Variants in TRIM2 observed in about 807,000 individuals in gnomAD.
The protein encoded by TRIM2 is tripartite motif containing 2, also known as tripartite motif-containing protein 2.
A neutral mutation model predicts 75.2 loss-of-function variants in TRIM2; 20 were observed. The observed-to-expected ratio is 0.27, with a 90% CI of 0.19 to 0.39. The LOEUF is 0.39. Among genes scored for constraint, TRIM2 ranks in the 10% least tolerant of loss-of-function variants. The pLI, the probability that TRIM2 is intolerant of heterozygous loss-of-function variation, is 1.00. For synonymous variants in TRIM2, 373 were observed against 388.3 expected, an observed-to-expected ratio of 0.96 and a Z score of 0.46; for missense variants, 660 against 990.8, an observed-to-expected ratio of 0.67 and a Z score of 4.48.
chr4:153,214,967 G>C (rs555400438), intron 1 of TRIM2, among the ~76,000 whole-genome samples: 1 of 152,138 alleles, frequency 6.6e-6, no homozygotes, highest in Admixed American at 6.5e-5. Context: ...AATCTACAAC[G>C]ATCAGTCATT....
At chr4:153,280,542 G>A (rs1157437008) in intron 3 of TRIM2, among the ~76,000 whole-genome samples, 1 of 151,830 alleles carries the variant, frequency 6.6e-6, no homozygotes, top group South Asian at 2.1e-4. Context: ...ATGCTACCAT[G>A]CCTGGCTAAT....
At chr4:153,284,326 G>C (rs1760108972) in intron 3 of TRIM2, among the ~76,000 whole-genome samples, 1 of 151,866 alleles carries the variant, frequency 6.6e-6, no homozygotes, top group African/African-American at 2.4e-5. Context: ...TCAGCCTCCT[G>C]AGTAGCTGGC....
At chr4:153,192,885 C>G (rs1293273018) in intron 1 of TRIM2, among the ~76,000 whole-genome samples, 1 of 152,156 alleles carries the variant, frequency 6.6e-6, no homozygotes, top group Non-Finnish European at 1.5e-5. Flanking sequence ...CTATTTAAAA[C>G]TGTGACTTTC....
At chr4:153,332,461 A>G (rs1300607669) in intron 11 of TRIM2, among the ~76,000 whole-genome samples, 1 of 152,198 alleles carries the variant, frequency 6.6e-6, no homozygotes, top group African/African-American at 2.4e-5. Context: ...CCTGGCCAAC[A>G]TGGCAAAACT....
chr4:153,156,873 C>G (rs1696229776), intron 1 of TRIM2: 1 of 152,248 alleles, frequency 6.6e-6, no homozygotes, highest in Admixed American at 6.5e-5. Context: ...TGCCTCTCCC[C>G]TGTGGGTTAG....
chr4:153,183,422 A>G (rs1016788129), intron 1 of TRIM2, among the ~76,000 whole-genome samples: 2 of 152,206 alleles, frequency 1.3e-5, no homozygotes, highest in African/African-American at 4.8e-5. Flanking sequence ...AGAGAGTGAC[A>G]AGGGTTGGAG....
chr4:153,211,992 T>G (rs1264446645), intron 1 of TRIM2, among the ~76,000 whole-genome samples: 1 of 152,194 alleles, frequency 6.6e-6, no homozygotes, highest in African/African-American at 2.4e-5. Context: ...TCTATTCTCT[T>G]TCCCTTAGTC....
chr4:153,225,093 G>A lies in TRIM2; in HGVS notation c.30+20533G>A, dbSNP rs180783162. On this transcript the variant is annotated intron_variant, in intron 1 of 11. Transcript: ENST00000338700. Reference sequence around the variant, plus strand: ...TATTCAATGATGATAACTCAACGGGGTAATATAGCAAGGCCCTAGGAAGCT... The same window carrying A: ...TATTCAATGATGATAACTCAACGGGATAATATAGCAAGGCCCTAGGAAGCT... Among the ~76,000 whole-genome samples the A allele has an allele frequency of 8.5e-5, 13 of 152,278 alleles. No homozygotes were observed. The East Asian group carries it at 2.3e-3, about 27-fold the overall frequency.
intron 1 of TRIM2, among the ~76,000 whole-genome samples, chr4:153,243,886 A>G (rs1747385784): frequency 1.5e-5 from 2 of 134,708 alleles, no homozygotes; most frequent in East Asian, 2.2e-4. Context: ...TGGCACAATC[A>G]CTGCTTGCTG....
chr4:153,228,884 C>T (rs749903043), intron 1 of TRIM2, among the ~76,000 whole-genome samples: 14 of 152,134 alleles, frequency 9.2e-5, no homozygotes, highest in Non-Finnish European at 1.8e-4. Context: ...TCATCCTTTT[C>T]CCCCCACAAA....
At chr4:153,323,900 G>C (rs1201922122) in intron 9 of TRIM2, among the ~76,000 whole-genome samples, 178 bp from the exon 10 acceptor site, 5 of 152,086 alleles carry the variant, frequency 3.3e-5, no homozygotes, top group African/African-American at 1.2e-4. Flanking sequence ...AATAATATAG[G>C]ATCCATGTTA....
intron 6 of TRIM2, chr4:153,308,380 T>A: frequency 4.2e-6 from 4 of 957,372 alleles, no homozygotes; most frequent in Non-Finnish European, 6.9e-6. Context: ...ATGATCTCAA[T>A]GAGGGAGTCC....
chr4:153,280,473 C>T (rs907630170), intron 3 of TRIM2, among the ~76,000 whole-genome samples: 1 of 149,798 alleles, frequency 6.7e-6, no homozygotes, highest in African/African-American at 2.5e-5. Flanking sequence ...TAACCTCCAA[C>T]TCCAGGGCTC....
chr4:153,294,571 T>C (rs1377687235), intron 5 of TRIM2, 86 bp downstream of exon 5: 1 of 1,334,718 alleles, frequency 7.5e-7, no homozygotes, highest in African/African-American at 1.5e-5. Context: ...CAACAAGGGG[T>C]CCTTAAGTGT....
intron 11 of TRIM2, among the ~76,000 whole-genome samples, chr4:153,334,023 A>G (rs1022816233): frequency 2.0e-5 from 3 of 151,810 alleles, no homozygotes; most frequent in Non-Finnish European, 4.4e-5. Flanking sequence ...TCTCATTGCT[A>G]TTATGACTCA....
chr4:153,311,517 A>C (rs1766292434), intron 6 of TRIM2, among the ~76,000 whole-genome samples: 1 of 152,024 alleles, frequency 6.6e-6, no homozygotes, highest in Non-Finnish European at 1.5e-5. Context: ...TATTCTGTTC[A>C]GGTGCTTTTT....
chr4:153,248,912 C>G lies in TRIM2; in HGVS notation c.31-21423C>G, dbSNP rs1343207211. On this transcript the variant is annotated intron_variant, in intron 1 of 11. Transcript: ENST00000338700. This position sits in a 1 kb window ranked among gnomAD's most constrained non-coding sequence, Gnocchi z 4.0. The stretch of plus-strand genomic sequence containing the variant: ...AGCATGGAAACCCAAGCATGTTACT[C>G]GGAGAAAGTCCCACCCCCAGCATGG... 6.6e-6 allele frequency among the ~76,000 whole-genome samples: 1 copy of G among 152,208 alleles called. No individual in the cohort carries two copies. Among genetic ancestry groups the G allele is most frequent in the Non-Finnish European group, 1.5e-5 (1 of 68,048 alleles).
chr4:153,295,226 A>C lies in TRIM2; in HGVS notation c.787-87A>C, dbSNP rs1762536685. On this transcript the variant is annotated intron_variant, in intron 5 of 11. Coordinates refer to ENST00000338700, the MANE Select transcript of TRIM2 (RefSeq NM_015271.5). This position sits in a 1 kb window ranked among gnomAD's most constrained non-coding sequence, Gnocchi z 7.2. ...GAGCCACCTGCGTGGGCAGGTGTAG[A>C]GTCTCCTTCTCGCCGGTGGAGGGCA... 5 of 1,449,362 alleles carry C rather than the reference A, an allele frequency of 3.4e-6. No individual in the cohort carries two copies. The highest frequency in any genetic ancestry group is 2.5e-5 in the East Asian group (1 of 40,214). The allele number at this position is 1,449,362 out of a possible 1,614,324, so 89.8% of individuals were successfully genotyped here.
chr4:153,270,553 C>T (rs377613794), intron 2 of TRIM2, 34 bp downstream of exon 2: 21 of 1,558,890 alleles, frequency 1.3e-5, no homozygotes, highest in Middle Eastern at 1.8e-4. Context: ...AAGGGAGTTT[C>T]GCAGGCTGAC....
Sources: allele counts gnomAD v4.1 joint callset (sites outside exome capture counted in the v4.1 genomes callset), GRCh38; gene constraint gnomAD v4.1.1; non-coding constraint Gnocchi (gnomAD v3.1); transcripts MANE v1.5; gene names NCBI Gene and HGNC (gene_info 2026-07-23, HGNC 2026-07-21).